CLCA2: variants seen among roughly 807,000 people sequenced by gnomAD.
CLCA2 encodes the protein chloride channel accessory 2, also known as calcium-activated chloride channel regulator 2.
A neutral mutation model predicts 82.9 loss-of-function variants in CLCA2; 85 were observed. That is an observed-to-expected ratio of 1.03 (90% CI 0.86 to 1.23). CLCA2 has a LOEUF of 1.23. Among genes scored for constraint, CLCA2 ranks in the 50% most tolerant of loss-of-function variants. The probability of loss-of-function intolerance (pLI) is 0.00; values close to 1 mark genes in which losing one functional copy is unlikely to be tolerated. For missense variants in CLCA2, 1,089 were observed against 1,124.8 expected, an observed-to-expected ratio of 0.97 and a Z score of 0.45; for synonymous variants, 421 against 391.7, an observed-to-expected ratio of 1.07 and a Z score of -0.88.
At chr1:86,428,364 A>G (rs1662428754) in intron 2 of CLCA2, 54 bp from the exon 3 acceptor site, 6 of 1,512,846 alleles carry the variant, frequency 4.0e-6, no homozygotes, top group Admixed American at 2.0e-5. Context: ...GTATACATTT[A>G]TGTCACCAAC....
intron 7 of CLCA2, among the ~76,000 whole-genome samples, chr1:86,439,377 A>G (rs1432366247): frequency 1.3e-5 from 2 of 152,256 alleles, no homozygotes; most frequent in Non-Finnish European, 2.9e-5. Flanking sequence ...GGACGAGACT[A>G]GAGGACCTAA....
At chr1:86,429,707 A>G (rs530860454) in intron 3 of CLCA2, among the ~76,000 whole-genome samples, 1 of 152,322 alleles carries the variant, frequency 6.6e-6, no homozygotes, top group East Asian at 1.9e-4. Flanking sequence ...TTAATGTAAC[A>G]GTAGTGCCTT....
intron 3 of CLCA2, among the ~76,000 whole-genome samples, chr1:86,429,789 G>T (rs915762180): frequency 6.6e-6 from 1 of 152,098 alleles, no homozygotes; most frequent in Admixed American, 6.5e-5. Context: ...CAAGGATTTT[G>T]TTATCCTCTG....
chr1:86,456,551 T>C lies in CLCA2; in HGVS notation c.*1024T>C, dbSNP rs1663080631. 6.6e-6 allele frequency: 1 copy of C among 152,228 alleles called. No homozygotes were observed. The highest frequency in any genetic ancestry group is 2.1e-4 in the South Asian group (1 of 4,826). 9.4% of individuals were successfully genotyped at this position (152,228 alleles called of 1,614,324 possible). On this transcript the variant is annotated 3_prime_UTR_variant, in exon 14 of 14. Transcript: ENST00000370565. ...CGAACAATAAAATCATTTGCCTTTT[T>C]AATTAAAGAGTTTAAAACTTTATTG...
chr1:86,456,157 T>A lies in CLCA2; in HGVS notation c.*630T>A, dbSNP rs1184131030. The A allele has an allele frequency of 6.6e-6, 1 of 152,250 alleles. No individual in the cohort carries two copies. The highest frequency in any genetic ancestry group is 1.5e-5 in the Non-Finnish European group (1 of 68,046). 9.4% of individuals were successfully genotyped at this position (152,250 alleles called of 1,614,324 possible). ...TTATGACAAAGGTCTATTGAATTTA[T>A]TTGTTTGTAAGTTTCTACTCCCATC... On this transcript the variant is annotated 3_prime_UTR_variant, in exon 14 of 14. Transcript: ENST00000370565.
chr1:86,454,228 AT>A (rs1181337480), intron 13 of CLCA2, among the ~76,000 whole-genome samples: 2 of 152,054 alleles, frequency 1.3e-5, no homozygotes, highest in Non-Finnish European at 2.9e-5. Context: ...CAGAAATTGT[AT>A]TTTTCCCCCA....
chr1:86,432,081 G>A (rs1053519634), intron 4 of CLCA2, among the ~76,000 whole-genome samples: 2 of 151,936 alleles, frequency 1.3e-5, no homozygotes, highest in Non-Finnish European at 2.9e-5. Flanking sequence ...GATTACAGGT[G>A]CCCAACACCA....
At chr1:86,432,668 A>G in intron 5 of CLCA2, 140 bp downstream of exon 5, 1 of 1,002,582 alleles carries the variant, frequency 1.0e-6, no homozygotes, top group South Asian at 2.0e-5. Flanking sequence ...TTTTATCTAC[A>G]GATTTAAAAA....
chr1:86,437,364 C>A (rs993328037), intron 6 of CLCA2, among the ~76,000 whole-genome samples: 1 of 152,110 alleles, frequency 6.6e-6, no homozygotes, highest in Non-Finnish European at 1.5e-5. Flanking sequence ...TGTGACTAGG[C>A]TCCACAGAGA....
At chr1:86,431,571 TCTC>T (rs1265757628) in intron 4 of CLCA2, among the ~76,000 whole-genome samples, 9 of 152,218 alleles carry the variant, frequency 5.9e-5, no homozygotes, top group African/African-American at 7.2e-5. Flanking sequence ...GACTGATTCT[TCTC>T]CTACAATTGC....
chr1:86,431,037 A>G, intron 4 of CLCA2, 67 bp downstream of exon 4: 3 of 1,090,390 alleles, frequency 2.8e-6, no homozygotes, highest in South Asian at 1.5e-5. Flanking sequence ...TAACTTAAGC[A>G]ATTAAATAAT....
intron 12 of CLCA2, 102 bp downstream of exon 12, chr1:86,450,835 A>T (rs1301623015): frequency 7.7e-6 from 8 of 1,039,930 alleles, no homozygotes; most frequent in Non-Finnish European, 1.1e-5. Context: ...GAAAGAGAGA[A>T]TTTCAAAACT....
At chr1:86,427,250 G>A (rs1404015619) in intron 2 of CLCA2, among the ~76,000 whole-genome samples, 4 of 151,994 alleles carry the variant, frequency 2.6e-5, no homozygotes, top group African/African-American at 7.3e-5. Flanking sequence ...TCCATTCCAT[G>A]AAGGGCACTC....
At position 86,456,393 on chromosome 1, in the gene CLCA2, G is replaced by A. The variant is rs1663077911; in HGVS notation, c.*866G>A. The A allele has an allele frequency of 6.6e-6, 1 of 152,156 alleles. No homozygotes were observed. The highest frequency in any genetic ancestry group is 6.5e-5 in the Admixed American group (1 of 15,274). 9.4% of individuals were successfully genotyped at this position (152,156 alleles called of 1,614,324 possible). ...CTGGCTCTGTTTTTTGGTTAAATAAGAGTCTTTAATCCTTTCTCCATCAAG... is the reference window on the plus strand; with the variant it reads ...CTGGCTCTGTTTTTTGGTTAAATAAAAGTCTTTAATCCTTTCTCCATCAAG... On this transcript the variant is annotated 3_prime_UTR_variant, in exon 14 of 14. Transcript: ENST00000370565.
intron 3 of CLCA2, among the ~76,000 whole-genome samples, chr1:86,430,204 A>T (rs2101691707): frequency 6.6e-6 from 1 of 152,008 alleles, no homozygotes; most frequent in South Asian, 2.1e-4. Context: ...ATTTTGAGAG[A>T]GAGGAAGTTC....
Position 86,453,819 on chromosome 1 carries a change from A to T in CLCA2, c.2389+217A>T, listed in dbSNP as rs139265522. The stretch of plus-strand genomic sequence containing the variant: ...ACTCACGGATACTAACCACTCAGAA[A>T]CCTTGACTAGAAGCATAAACACCAC... On this transcript the variant is annotated intron_variant, in intron 13 of 13. Coordinates refer to ENST00000370565, the MANE Select transcript of CLCA2 (RefSeq NM_006536.7). 5.7e-3 allele frequency among the ~76,000 whole-genome samples: 861 copies of T among 152,220 alleles called. 5 individuals are homozygous for T. The highest frequency in any genetic ancestry group is 0.01 in the Non-Finnish European group (684 of 68,008).
At chr1:86,454,266 T>C (rs1250544935) in intron 13 of CLCA2, among the ~76,000 whole-genome samples, 3 of 152,310 alleles carry the variant, frequency 2.0e-5, no homozygotes, top group East Asian at 3.9e-4. Context: ...CTTTATCATA[T>C]ACTAAATTTC....
chr1:86,453,154 C>T (rs1221381811), intron 12 of CLCA2, among the ~76,000 whole-genome samples: 1 of 152,160 alleles, frequency 6.6e-6, no homozygotes, highest in African/African-American at 2.4e-5. Context: ...GCCTGGACAG[C>T]AGAGTAAGAC....
In CLCA2 at chr1:86,447,721, A is replaced by C. The variant is rs567109997; in HGVS notation, c.1927A>C (p.Thr643Pro). 1 of 1,613,954 alleles carries C rather than the reference A, an allele frequency of 6.2e-7. No individual in the cohort carries two copies. The highest frequency in any genetic ancestry group is 8.5e-7 in the Non-Finnish European group (1 of 1,180,000). Residue 643 changes from threonine (T) to proline (P), a missense_variant, in exon 11 of 14, where the codon ACA (threonine) becomes CCA (proline). Thr to Pro is a conservative substitution (Grantham distance 38). Transcript: ENST00000370565. ...YPILNATVTA[T>P]VEPETGDPVT... ...CATTCTTAATGCCACTGTCACTGCC[A>C]CAGTTGAGCCAGAGACTGGAGATCC...
Sources: allele counts gnomAD v4.1 joint callset (sites outside exome capture counted in the v4.1 genomes callset), GRCh38; gene constraint gnomAD v4.1.1; transcripts MANE v1.5; gene names NCBI Gene and HGNC (gene_info 2026-07-23, HGNC 2026-07-21).